SLC26A3: variants seen among roughly 807,000 people sequenced by gnomAD.
The protein encoded by SLC26A3 is chloride anion exchanger.
SLC26A3 carries 64 observed loss-of-function variants against 85.6 expected under a neutral mutation model. The ratio of observed to expected loss-of-function variants is 0.75; its 90% CI spans 0.61 to 0.92. SLC26A3 has a LOEUF of 0.92. Among genes scored for constraint, SLC26A3 ranks in the 40% least tolerant of loss-of-function variants. The pLI, the probability that SLC26A3 is intolerant of heterozygous loss-of-function variation, is 0.00. For synonymous variants in SLC26A3, 349 were observed against 336.0 expected (o/e 1.04, Z -0.42); for missense variants, 922 against 927.3 (o/e 0.99, Z 0.07).
chr7:107,786,349 TG>T, intron 8 of SLC26A3, among the ~76,000 whole-genome samples: 1 of 152,154 alleles, frequency 6.6e-6, no homozygotes. Context: ...AAACAAGAGA[TG>T]GGGGTCTTGC....
chr7:107,787,261 C>T (rs1794313002), intron 7 of SLC26A3, 96 bp downstream of exon 7: 2 of 1,268,774 alleles, frequency 1.6e-6, no homozygotes, highest in Admixed American at 3.4e-5. Context: ...GAGATGGCCT[C>T]TGCCCCACTA....
intron 6 of SLC26A3, 64 bp downstream of exon 6, chr7:107,789,460 T>G: frequency 6.7e-7 from 1 of 1,492,744 alleles, no homozygotes; most frequent in South Asian, 1.2e-5. Context: ...AAAGGAAAGC[T>G]CTCTAAAAAC....
At chr7:107,801,958 G>A (rs911187664) in intron 1 of SLC26A3, among the ~76,000 whole-genome samples, 1 of 151,462 alleles carries the variant, frequency 6.6e-6, no homozygotes, top group Non-Finnish European at 1.5e-5. Flanking sequence ...CAGGCACAGT[G>A]GAGCGTGCCT....
At chr7:107,774,201 T>C (rs1265858573) in intron 16 of SLC26A3, 48 bp from the exon 17 acceptor site, 4 of 1,415,624 alleles carry the variant, frequency 2.8e-6, no homozygotes, top group Non-Finnish European at 3.0e-6. Flanking sequence ...AGAAAAACAT[T>C]GTGTATGTCA....
chr7:107,776,837 C>T, intron 13 of SLC26A3, 131 bp from the exon 14 acceptor site: 1 of 791,278 alleles, frequency 1.3e-6, no homozygotes, highest in South Asian at 1.4e-5. Context: ...AATCATCATG[C>T]CATCAGAGAC....
chr7:107,767,781 C>T lies in SLC26A3; in HGVS notation c.2190G>A (p.Lys730=). The T allele has an allele frequency of 6.2e-7, 1 of 1,613,812 alleles. No homozygotes were observed. The highest frequency in any genetic ancestry group is 8.5e-7 in the Non-Finnish European group (1 of 1,179,832). ...ILMKKDYSTS[K]FNPSQEKDGK... Reference sequence around the variant, plus strand: ...GAGCTGATACCTGACTGGGATTAAACTTTGAAGTACTGTAATCTTTCTTCA... The same window carrying T: ...GAGCTGATACCTGACTGGGATTAAATTTTGAAGTACTGTAATCTTTCTTCA... Residue 730 remains lysine (K), a synonymous_variant, in exon 19 of 21, where the codon AAG becomes AAA. Coordinates refer to ENST00000340010, the MANE Select transcript of SLC26A3 (RefSeq NM_000111.3).
intron 1 of SLC26A3, among the ~76,000 whole-genome samples, chr7:107,797,166 G>A (rs1794519485): frequency 6.6e-6 from 1 of 152,144 alleles, no homozygotes; most frequent in Admixed American, 6.5e-5. Flanking sequence ...CTGCCTGCAA[G>A]GGCCCTGCTC....
chr7:107,800,558 T>C (rs1794582134), intron 1 of SLC26A3, among the ~76,000 whole-genome samples: 1 of 152,280 alleles, frequency 6.6e-6, no homozygotes, highest in Admixed American at 6.5e-5. Flanking sequence ...ATTATTTGTT[T>C]ATGTTTCTGT....
At chr7:107,798,179 C>T (rs1027614304) in intron 1 of SLC26A3, among the ~76,000 whole-genome samples, 6 of 151,688 alleles carry the variant, frequency 4.0e-5, no homozygotes, top group Admixed American at 1.3e-4. Flanking sequence ...CACATGAAGA[C>T]ATTCATATAC....
chr7:107,780,683 T>C (rs530663739), intron 11 of SLC26A3, among the ~76,000 whole-genome samples: 4 of 152,306 alleles, frequency 2.6e-5, no homozygotes, highest in African/African-American at 9.6e-5. Flanking sequence ...TATTTCTAAT[T>C]TTCACAGGTA....
chr7:107,782,112 G>A (rs1794223693), intron 11 of SLC26A3, among the ~76,000 whole-genome samples: 1 of 152,116 alleles, frequency 6.6e-6, no homozygotes, highest in South Asian at 2.1e-4. Context: ...TTAGAAGGAG[G>A]TCAACAGGGC....
At chr7:107,779,613 C>T in intron 12 of SLC26A3, 55 bp downstream of exon 12, 1 of 1,322,818 alleles carries the variant, frequency 7.6e-7, no homozygotes, top group Non-Finnish European at 1.1e-6. Flanking sequence ...TTCACATTAG[C>T]ATTAAAATGC....
At chr7:107,802,119 C>A (rs892977845) in intron 1 of SLC26A3, among the ~76,000 whole-genome samples, 2 of 149,414 alleles carry the variant, frequency 1.3e-5, no homozygotes, top group African/African-American at 4.9e-5. Flanking sequence ...AAGGAATGAT[C>A]TTTATGCAGT....
intron 1 of SLC26A3, among the ~76,000 whole-genome samples, chr7:107,799,374 ATTTTC>A (rs899561017): frequency 5.3e-5 from 8 of 151,826 alleles, no homozygotes; most frequent in African/African-American, 1.7e-4. Flanking sequence ...CAAGCCATCA[ATTTTC>A]TTTTCTTTTC....
chr7:107,783,849 C>A (rs527993426), intron 8 of SLC26A3, among the ~76,000 whole-genome samples: 1 of 152,158 alleles, frequency 6.6e-6, no homozygotes, highest in Non-Finnish European at 1.5e-5. Flanking sequence ...TTGGACTCTG[C>A]CCTGCACTTC....
intron 1 of SLC26A3, among the ~76,000 whole-genome samples, chr7:107,797,586 T>C (rs1794529058): frequency 1.3e-5 from 2 of 152,060 alleles, no homozygotes; most frequent in Non-Finnish European, 2.9e-5. Flanking sequence ...CTTGCACCCA[T>C]CCCCGCTTCC....
Position 107,776,690 on chromosome 7 carries a change from G to A in SLC26A3, c.1531C>T (p.Leu511=), listed in dbSNP as rs2115822480. The change falls in exon 14 of 21, where the codon CTG becomes TTG. Residue 511 remains leucine, a synonymous_variant. Transcript: ENST00000340010. The stretch of plus-strand genomic sequence containing the variant: ...ATGTTGGTTCTTCCAATATTAGCCA[G>A]CGTGCTGCATTTTGGACTGTAGGGA... ...FRTQFPKCST[L]ANIGRTNIYK... The A allele has an allele frequency of 6.2e-7, 1 of 1,613,702 alleles. No homozygotes were observed.
intron 18 of SLC26A3, among the ~76,000 whole-genome samples, chr7:107,771,193 C>T (rs1010707336): frequency 2.0e-5 from 3 of 152,076 alleles, no homozygotes; most frequent in Non-Finnish European, 4.4e-5. Context: ...ATCTGGAAAA[C>T]TAGGTAAGCA....
At chr7:107,782,905 C>T (rs781605373) in intron 10 of SLC26A3, 31 bp from the exon 11 acceptor site, 1 of 1,613,692 alleles carries the variant, frequency 6.2e-7, no homozygotes, top group South Asian at 1.1e-5. Context: ...TCATCACCAA[C>T]TCAACTTTTC....
Sources: gnomAD v4.1 joint callset for allele counts (sites outside exome capture counted in the v4.1 genomes callset) on GRCh38, gnomAD v4.1.1 for gene constraint, MANE v1.5 for transcripts, NCBI Gene and HGNC (gene_info 2026-07-23, HGNC 2026-07-21) for gene names.